PTPRK: variants seen among roughly 807,000 people sequenced by gnomAD.
The protein encoded by PTPRK is protein tyrosine phosphatase receptor type K.
In PTPRK, 75 loss-of-function variants were observed where a neutral mutation model predicts 178.0. That is an observed-to-expected ratio of 0.42 (90% CI 0.35 to 0.51). The LOEUF is 0.51. PTPRK is among the 20% of genes least tolerant of loss of function. The probability of loss-of-function intolerance (pLI) is 0.02; values close to 1 mark genes in which losing one functional copy is unlikely to be tolerated. For missense variants in PTPRK, 1,441 were observed against 1,797.8 expected (o/e 0.80, Z 3.59); for synonymous variants, 637 against 620.6 (o/e 1.03, Z -0.39).
intron 12 of PTPRK, among the ~76,000 whole-genome samples, chr6:128,065,750 C>A (rs1401725257): frequency 1.3e-5 from 2 of 152,112 alleles, no homozygotes; most frequent in Non-Finnish European, 2.9e-5. Flanking sequence ...TGTTGCACTT[C>A]TATTACTTGT....
intron 13 of PTPRK, among the ~76,000 whole-genome samples, chr6:128,028,293 A>C: frequency 6.6e-6 from 1 of 152,234 alleles, no homozygotes; most frequent in Admixed American, 6.5e-5. Context: ...CAAAAGTGAT[A>C]ACAGTTGCTT....
intron 1 of PTPRK, among the ~76,000 whole-genome samples, chr6:128,422,249 A>G (rs1333376774): frequency 6.6e-6 from 1 of 152,190 alleles, no homozygotes; most frequent in Non-Finnish European, 1.5e-5. Context: ...TGATTTCATT[A>G]TCTTTAATTA....
intron 3 of PTPRK, among the ~76,000 whole-genome samples, chr6:128,263,951 A>C (rs1158472911): frequency 2.6e-5 from 4 of 152,132 alleles, no homozygotes; most frequent in Non-Finnish European, 5.9e-5. Context: ...GCTCCAGAAG[A>C]AGCACAGCTG....
At chr6:128,263,910 C>T (rs1478908456) in intron 3 of PTPRK, among the ~76,000 whole-genome samples, 3 of 152,118 alleles carry the variant, frequency 2.0e-5, no homozygotes, top group African/African-American at 7.2e-5. Flanking sequence ...AGACCACCAC[C>T]GTTGGAAAGG....
chr6:128,083,815 G>A lies in PTPRK; in HGVS notation c.1475C>T (p.Pro492Leu). 1 of 1,577,344 alleles carries A rather than the reference G, an allele frequency of 6.3e-7. No homozygotes were observed. Among genetic ancestry groups the A allele is most frequent in the Non-Finnish European group, 8.6e-7 (1 of 1,159,998 alleles). The change falls in exon 9 of 30, where the codon CCC (proline) becomes CTC (leucine). Residue 492 changes from proline (P) to leucine (L), a missense_variant. Physicochemically the swap from Pro to Leu is moderately conservative, Grantham distance 98. Transcript: ENST00000368226. The part of the protein sequence containing the change: ...IIQTDEDVPG[P>L]VPVKSLQGTS... ...TCCTTGAAGAGATTTTACTGGTACG[G>A]GACCAGGCACTACAAAACACATGAA...
chr6:128,162,976 A>C (rs1798902601), intron 7 of PTPRK, among the ~76,000 whole-genome samples: 1 of 151,486 alleles, frequency 6.6e-6, no homozygotes, highest in Admixed American at 6.6e-5. Flanking sequence ...TATAATACTT[A>C]ATGTTAATGT....
intron 7 of PTPRK, among the ~76,000 whole-genome samples, chr6:128,137,565 G>A (rs1795189603): frequency 6.6e-6 from 1 of 152,076 alleles, no homozygotes. Flanking sequence ...ATATCTCTTT[G>A]TGTGTCTTCA....
chr6:128,390,946 C>T (rs935233333), intron 2 of PTPRK, among the ~76,000 whole-genome samples: 8 of 152,032 alleles, frequency 5.3e-5, no homozygotes, highest in African/African-American at 1.9e-4. Flanking sequence ...TTTCAAACTA[C>T]CCTTTGGAGC....
rs374096394 is a variant in PTPRK, at chr6:128,322,032, T to G, written c.495+7A>C. The G allele has an allele frequency of 6.2e-7, 1 of 1,613,866 alleles. No individual in the cohort carries two copies. The highest frequency in any genetic ancestry group is 1.1e-5 in the South Asian group (1 of 91,080). On this transcript the variant is annotated splice_region_variant and intron_variant, in intron 3 of 29. Transcript: ENST00000368226. ...AAAACATACACCAGAAAAGTACAGATGATTACCTGATATTCATTGGGCCAA... is the reference window on the plus strand; with the variant it reads ...AAAACATACACCAGAAAAGTACAGAGGATTACCTGATATTCATTGGGCCAA...
intron 2 of PTPRK, among the ~76,000 whole-genome samples, chr6:128,335,067 G>A (rs747552479): frequency 7.9e-5 from 12 of 152,090 alleles, no homozygotes; most frequent in East Asian, 1.9e-4. Context: ...CAGCCTGGGC[G>A]ACAGAGTGAG....
intron 1 of PTPRK, among the ~76,000 whole-genome samples, chr6:128,404,279 G>A (rs559895802): frequency 4.6e-5 from 7 of 152,336 alleles, no homozygotes; most frequent in African/African-American, 1.7e-4. Context: ...AATAAAGTGA[G>A]ACTAGAAAAG....
rs573145228 is a variant in PTPRK at position 128,060,862 on chromosome 6, ACT to A, written c.2194+3894_2194+3895del. Among the ~76,000 whole-genome samples the A allele has an allele frequency of 1.1e-4, 16 of 152,152 alleles. No individual in the cohort carries two copies. In the South Asian group the frequency reaches 1.2e-3, roughly 12 times the overall value. On this transcript the variant is annotated intron_variant, in intron 13 of 29. Transcript: ENST00000368226. ...ATGCACAGTTAAAGAAATAAAAACA[ACT>A]CTAGTTATTTAATAAATTTGTCTTA...
Position 128,009,202 on chromosome 6 carries a change from A to G in PTPRK, c.2261T>C (p.Ile754Thr), listed in dbSNP as rs1778774174. Reference sequence around the variant, plus strand: ...CAAAATTCCAGCACTAATTCCTGCTATTTTCACCACTCTGTCTGTCTGCTT... The same window carrying G: ...CAAAATTCCAGCACTAATTCCTGCTGTTTTCACCACTCTGTCTGTCTGCTT... Reference protein sequence around the residue: ...PAKQTDRVVKIAGISAGILVF... With the variant: ...PAKQTDRVVKTAGISAGILVF... The change falls in exon 14 of 30, where the codon ATA becomes ACA. Residue 754 changes from isoleucine (I) to threonine (T), a missense_variant. By Grantham distance (89) the Ile-to-Thr change is moderately conservative. Around this residue, in one of 4 missense-constraint regions of PTPRK, gnomAD observed 945 missense variants for 1,080.6 expected, o/e 0.87. Transcript: ENST00000368226. The G allele has an allele frequency of 3.1e-6, 5 of 1,608,804 alleles. No homozygotes were observed. Among genetic ancestry groups the G allele is most frequent in the Non-Finnish European group, 4.2e-6 (5 of 1,176,794 alleles).
At chr6:128,135,364 GTGGT>G (rs1794878154) in intron 7 of PTPRK, among the ~76,000 whole-genome samples, 1 of 152,086 alleles carries the variant, frequency 6.6e-6, no homozygotes, top group African/African-American at 2.4e-5. Flanking sequence ...CTCTTCCCTG[GTGGT>G]TTGGTAAAGC....
intron 5 of PTPRK, among the ~76,000 whole-genome samples, chr6:128,228,309 C>T (rs997430208): frequency 1.3e-5 from 2 of 151,808 alleles, no homozygotes; most frequent in Non-Finnish European, 2.9e-5. Flanking sequence ...AAACAGAAGT[C>T]TCTACAGGAT....
At chr6:128,244,945 G>A (rs996959428) in intron 3 of PTPRK, among the ~76,000 whole-genome samples, 4 of 152,158 alleles carry the variant, frequency 2.6e-5, no homozygotes, top group Admixed American at 2.6e-4. Context: ...TTAGCTCTTA[G>A]GTATTTGGTA....
chr6:128,386,245 G>C (rs1297607209), intron 2 of PTPRK, among the ~76,000 whole-genome samples: 1 of 152,016 alleles, frequency 6.6e-6, no homozygotes, highest in Non-Finnish European at 1.5e-5. Flanking sequence ...CCAGAATATA[G>C]TTTGACAAAT....
At chr6:128,217,981 T>C (rs1025897591) in intron 6 of PTPRK, among the ~76,000 whole-genome samples, 4 of 152,322 alleles carry the variant, frequency 2.6e-5, no homozygotes, top group African/African-American at 9.6e-5. Flanking sequence ...GCTTTACCTC[T>C]AGATTTTCAT....
intron 3 of PTPRK, among the ~76,000 whole-genome samples, chr6:128,291,187 A>G (rs1823325472): frequency 6.6e-6 from 1 of 152,088 alleles, no homozygotes; most frequent in Non-Finnish European, 1.5e-5. Context: ...TAGCTACAGA[A>G]GAGGTCAGAG....
Sources: allele counts gnomAD v4.1 joint callset (sites outside exome capture counted in the v4.1 genomes callset), GRCh38; gene constraint gnomAD v4.1.1; regional missense constraint gnomAD v4.1.1; transcripts MANE v1.5; gene names NCBI Gene and HGNC (gene_info 2026-07-23, HGNC 2026-07-21).